The following DYNC1H1 variants were observed in gnomAD, a reference collection of about 807,000 sequenced individuals.
DYNC1H1 encodes the protein cytoplasmic dynein 1 heavy chain 1.
A neutral mutation model predicts 527.1 loss-of-function variants in DYNC1H1; 51 were observed. That is an observed-to-expected ratio of 0.10 (90% CI 0.08 to 0.12). The LOEUF (loss-of-function observed/expected upper bound fraction) is 0.12, where lower values mean the gene tolerates loss of function less well. Ranked by LOEUF, DYNC1H1 falls within the 10% of genes least tolerant of loss-of-function variation. DYNC1H1 has a pLI of 1.00. For synonymous variants in DYNC1H1, 2,189 were observed against 2,278.8 expected (o/e 0.96, Z 1.12); for missense variants, 2,771 against 5,971.8 (o/e 0.46, Z 17.66).
At chr14:101,980,623 A>C in intron 5 of DYNC1H1, 73 bp downstream of exon 5, 3 of 1,538,478 alleles carry the variant, frequency 1.9e-6, no homozygotes, top group Middle Eastern at 3.4e-4. Flanking sequence ...TTGATAATTT[A>C]AATGAAAACT....
At chr14:101,988,884 TA>T in intron 10 of DYNC1H1, 32 bp downstream of exon 10, 4 of 1,613,686 alleles carry the variant, frequency 2.5e-6, no homozygotes, top group Non-Finnish European at 2.5e-6. Context: ...TATTTACTAA[TA>T]AGTGAAATAA....
rs1326124955 is a variant in DYNC1H1 at position 102,039,725 on chromosome 14, A to G, written c.11683A>G (p.Thr3895Ala). 1 of 1,614,188 alleles carries G rather than the reference A, an allele frequency of 6.2e-7. No homozygotes were observed. Among genetic ancestry groups the G allele is most frequent in the Non-Finnish European group, 8.5e-7 (1 of 1,180,038 alleles). Residue 3895 changes from threonine to alanine, a missense_variant, in exon 62 of 78, where the codon ACC becomes GCC. Thr to Ala is a moderately conservative substitution (Grantham distance 58). Transcript: ENST00000360184. This position sits in a 1 kb window ranked among gnomAD's most constrained non-coding sequence, Gnocchi z 7.0. ...GCTGGCAAGAATCAAACTGAAGGGC[A>G]CCGTGGGGTAAGAGCACTCACGCCC... is the stretch of plus-strand genomic sequence containing the variant. Reference protein sequence around the residue: ...MLLARIKLKGTVGEPTYDAEF... With the variant: ...MLLARIKLKGAVGEPTYDAEF...
chr14:102,031,131 A>G (rs2048505935), intron 51 of DYNC1H1, among the ~76,000 whole-genome samples: 1 of 152,264 alleles, frequency 6.6e-6, no homozygotes, highest in African/African-American at 2.4e-5. Context: ...GATTTGGATG[A>G]TAATTTAATG....
At position 102,038,572 on chromosome 14, in the gene DYNC1H1, C is replaced by T. The variant is rs757529671; in HGVS notation, c.11021C>T (p.Ser3674Leu). 4 of 1,614,162 alleles carry T rather than the reference C, an allele frequency of 2.5e-6. No individual in the cohort carries two copies. Among genetic ancestry groups the T allele is most frequent in the Non-Finnish European group, 3.4e-6 (4 of 1,180,038 alleles). ...LGDQDIDLSP[S>L]FVIFLSTRDP... is the part of the protein sequence containing the mutation. ...GACCAGGACATAGACCTGTCGCCAT[C>T]GTTTGTCATCTTCCTGTCCACCCGG... The change falls in exon 58 of 78, where the codon TCG becomes TTG. Residue 3674 changes from serine (S) to leucine (L), a missense_variant. Around this residue, in one of 32 missense-constraint regions of DYNC1H1, gnomAD observed 283 missense variants for 737.6 expected, o/e 0.38. Transcript: ENST00000360184. This position sits in a 1 kb window ranked among gnomAD's most constrained non-coding sequence, Gnocchi z 7.2.
chr14:101,974,500 T>C (rs1327328064), intron 1 of DYNC1H1, among the ~76,000 whole-genome samples: 2 of 152,236 alleles, frequency 1.3e-5, no homozygotes, highest in Non-Finnish European at 2.9e-5. Flanking sequence ...ATATATTTCA[T>C]ACAGTACGTT....
chr14:102,020,526 C>G lies in DYNC1H1; in HGVS notation c.8507+470C>G, dbSNP rs1257545154. Among the ~76,000 whole-genome samples, 1 of 152,170 alleles carries G rather than the reference C, an allele frequency of 6.6e-6. No homozygotes were observed. Among genetic ancestry groups the G allele is most frequent in the Non-Finnish European group, 1.5e-5 (1 of 68,030 alleles). Reference sequence around the variant, plus strand: ...TGTTCCGTAACCACCACCCCTCTTCCTGTTTCTCAGTCTGTGTTCTCATCA... The same window carrying G: ...TGTTCCGTAACCACCACCCCTCTTCGTGTTTCTCAGTCTGTGTTCTCATCA... On this transcript the variant is annotated intron_variant, in intron 42 of 77. Transcript: ENST00000360184. This position sits in a 1 kb window ranked among gnomAD's most constrained non-coding sequence, Gnocchi z 4.3.
At position 102,017,388 on chromosome 14, in the gene DYNC1H1, G is replaced by T. The variant is rs2048335477; in HGVS notation, c.8061G>T (p.Val2687=). Residue 2687 remains valine (V), a synonymous_variant, in exon 40 of 78, where the codon GTG becomes GTT. Coordinates refer to ENST00000360184, the MANE Select transcript of DYNC1H1 (RefSeq NM_001376.5). The surrounding 1 kb of genome is among the most constrained non-coding windows in gnomAD (Gnocchi z 4.6). ...GTACCTGTCCCTTCCTTCAGATGGT[G>T]GAGCACGGAGGCTTTTACCGTACCT... ...QRVISFIRQM[V]EHGGFYRTSD... is the part of the protein sequence containing the mutation. 1 of 1,614,098 alleles carries T rather than the reference G, an allele frequency of 6.2e-7. No individual in the cohort carries two copies. The highest frequency in any genetic ancestry group is 8.5e-7 in the Non-Finnish European group (1 of 1,180,052).
Position 102,049,746 on chromosome 14 carries a change from G to C in DYNC1H1, c.13548G>C (p.Val4516=), listed in dbSNP as rs1555412737. ...ACGTGTGCCTGGGTGGCCTGTTCGT[G>C]CCTGAGGCGTACATCACTGCCACCA... ...NIHVCLGGLF[V]PEAYITATRQ... is the part of the protein sequence containing the mutation. Residue 4516 remains valine (V), a synonymous_variant, in exon 76 of 78, where the codon GTG becomes GTC. Coordinates refer to ENST00000360184, the MANE Select transcript of DYNC1H1 (RefSeq NM_001376.5). This position sits in a 1 kb window ranked among gnomAD's most constrained non-coding sequence, Gnocchi z 5.5. 1 of 1,613,930 alleles carries C rather than the reference G, an allele frequency of 6.2e-7. No homozygotes were observed.
intron 76 of DYNC1H1, 32 bp from the exon 77 acceptor site, chr14:102,050,039 C>T: frequency 6.6e-7 from 1 of 1,518,106 alleles, no homozygotes; most frequent in Non-Finnish European, 8.8e-7. Context: ...GTTGTGTTCA[C>T]CTCAGCCTGG....
In DYNC1H1 at chr14:101,968,930, T is replaced by C. The variant is rs192419702; in HGVS notation, c.256+3983T>C. On this transcript the variant is annotated intron_variant, in intron 1 of 77. Coordinates refer to ENST00000360184, the MANE Select transcript of DYNC1H1 (RefSeq NM_001376.5). Reference sequence around the variant, plus strand: ...TGTAATTAATCTCCAACACAACATATCACCATGATTTCGTGCATTTAGAGG... The same window carrying C: ...TGTAATTAATCTCCAACACAACATACCACCATGATTTCGTGCATTTAGAGG... Among the ~76,000 whole-genome samples, 484 of 152,338 alleles carry C rather than the reference T, an allele frequency of 3.2e-3. 1 individual carries two copies. Among genetic ancestry groups the C allele is most frequent in the African/African-American group, 0.011 (462 of 41,586 alleles).
At chr14:101,984,710 A>G (rs112604257) in intron 7 of DYNC1H1, among the ~76,000 whole-genome samples, 1,706 of 151,014 alleles carry the variant, frequency 0.011, 9 homozygotes, top group Middle Eastern at 0.037. Context: ...AGGCAGGCGG[A>G]TCACGAGGTC....
intron 42 of DYNC1H1, among the ~76,000 whole-genome samples, chr14:102,022,000 G>A (rs1226436918): frequency 6.6e-6 from 1 of 152,016 alleles, no homozygotes; most frequent in East Asian, 1.9e-4. Flanking sequence ...GCTGGGCATG[G>A]TAGCATATGC....
Position 101,983,448 on chromosome 14 carries a change from T to C in DYNC1H1, c.1300T>C (p.Leu434=), listed in dbSNP as rs2047891355. The C allele has an allele frequency of 1.2e-6, 2 of 1,614,164 alleles. No individual in the cohort carries two copies. Among genetic ancestry groups the C allele is most frequent in the South Asian group, 1.1e-5 (1 of 91,078 alleles). The change falls in exon 7 of 78, where the codon TTG becomes CTG. Residue 434 remains leucine (L), a synonymous_variant. Transcript: ENST00000360184. This position sits in a 1 kb window ranked among gnomAD's most constrained non-coding sequence, Gnocchi z 5.3. ...DDEYEKLQVL[L]RDIVKRKREE... ...TGAGTATGAGAAACTTCAGGTATTG[T>C]TGAGAGACATCGTCAAAAGAAAAAG... is the stretch of plus-strand genomic sequence containing the variant.
chr14:101,986,754 C>G lies in DYNC1H1; in HGVS notation c.2529C>G (p.Phe843Leu), dbSNP rs2047941892. 1 of 1,614,028 alleles carries G rather than the reference C, an allele frequency of 6.2e-7. No homozygotes were observed. The highest frequency in any genetic ancestry group is 1.1e-5 in the South Asian group (1 of 91,080). Residue 843 changes from phenylalanine to leucine, a missense_variant, in exon 8 of 78, where the codon TTC becomes TTG. By Grantham distance (22) the Phe-to-Leu change is conservative (BLOSUM62 0). Transcript: ENST00000360184. This position sits in a 1 kb window ranked among gnomAD's most constrained non-coding sequence, Gnocchi z 8.7. ...GCTTAGCAGAGACTGTCTTCAACTT[C>G]CAAGAAAAGGTATGCTCTCATGTAA... is the stretch of plus-strand genomic sequence containing the variant. ...VQRLAETVFN[F>L]QEKVDDLLII...
At chr14:102,023,417 C>T (rs558688182) in intron 43 of DYNC1H1, 6 of 226,902 alleles carry the variant, frequency 2.6e-5, no homozygotes, top group Middle Eastern at 1.8e-3. Flanking sequence ...GGCGTGGTGA[C>T]GCATGTCTGT....
Position 102,050,971 on chromosome 14 carries a change from C to T in DYNC1H1, c.*408C>T, listed in dbSNP as rs2152601990. 1 of 297,720 alleles carries T rather than the reference C, an allele frequency of 3.4e-6. No individual in the cohort carries two copies. The highest frequency in any genetic ancestry group is 3.3e-5 in the South Asian group (1 of 30,406). The allele number at this position is 297,720 out of a possible 1,614,324, so 18.4% of individuals were successfully genotyped here. A position where few individuals can be genotyped will look rare whatever the true frequency, so the allele number is the denominator to read the frequency against. On this transcript the variant is annotated 3_prime_UTR_variant, in exon 78 of 78. Coordinates refer to ENST00000360184, the MANE Select transcript of DYNC1H1 (RefSeq NM_001376.5). ...AAGACCTTGGGGCCCTTCACAGACA[C>T]AGATGCAGCCAGCTGTGGCTCTGAA...
At chr14:102,043,568 G>T (rs2048678517) in intron 69 of DYNC1H1, 6 of 412,720 alleles carry the variant, frequency 1.5e-5, no homozygotes, top group South Asian at 1.1e-4. Flanking sequence ...GGGGATTGTG[G>T]CAGGGGTTTC....
At position 102,016,581 on chromosome 14, in the gene DYNC1H1, T is replaced by C; in HGVS notation, c.7614+92T>C. On this transcript the variant is annotated intron_variant, in intron 37 of 77. Transcript: ENST00000360184. This position sits in a 1 kb window ranked among gnomAD's most constrained non-coding sequence, Gnocchi z 7.3. ...GCTGACCATGGACCTTGGCTTCGTC[T>C]TTTCATTTTATTCCATTTCATAGAA... is the stretch of plus-strand genomic sequence containing the variant. 1 of 1,608,832 alleles carries C rather than the reference T, an allele frequency of 6.2e-7. No homozygotes were observed. Among genetic ancestry groups the C allele is most frequent in the Non-Finnish European group, 8.5e-7 (1 of 1,176,100 alleles).
At chr14:101,995,918 C>T (rs547995922) in intron 15 of DYNC1H1, among the ~76,000 whole-genome samples, 1 of 150,628 alleles carries the variant, frequency 6.6e-6, no homozygotes, top group East Asian at 2.0e-4. Flanking sequence ...CAAAAAATTA[C>T]CTGAGTGTGG....
Sources: gnomAD v4.1 joint callset for allele counts (sites outside exome capture counted in the v4.1 genomes callset) on GRCh38, gnomAD v4.1.1 for gene constraint, gnomAD v4.1.1 regional missense constraint, Gnocchi (gnomAD v3.1) non-coding constraint, MANE v1.5 for transcripts, NCBI Gene and HGNC (gene_info 2026-07-23, HGNC 2026-07-21) for gene names.